Variants in CNIH3 observed in about 807,000 individuals in gnomAD.
CNIH3 encodes protein cornichon homolog 3.
In CNIH3, 14 loss-of-function variants were observed where a neutral mutation model predicts 24.1. The observed-to-expected ratio is 0.58, with a 90% CI of 0.38 to 0.91. The LOEUF is 0.91. Ranked by LOEUF, CNIH3 falls within the 40% of genes least tolerant of loss-of-function variation. The pLI is 0.00. For missense variants in CNIH3, 178 were observed against 196.8 expected (o/e 0.90, Z 0.57); for synonymous variants, 68 against 73.8 (o/e 0.92, Z 0.40).
intron 1 of CNIH3, among the ~76,000 whole-genome samples, chr1:224,646,458 T>C (rs570241085): frequency 1.8e-4 from 27 of 152,308 alleles, no homozygotes; most frequent in Middle Eastern, 6.8e-3. Flanking sequence ...CAGGCTGGAG[T>C]GCAGTGGCAC....
intron 3 of CNIH3, among the ~76,000 whole-genome samples, chr1:224,722,422 G>A (rs1688769830): frequency 6.6e-6 from 1 of 152,140 alleles, no homozygotes; most frequent in African/African-American, 2.4e-5. Context: ...ACTCTATTTT[G>A]GGAATCAGTC....
chr1:224,604,828 C>G lies in CNIH3; in HGVS notation n.402+38564C>G, dbSNP rs1344872702. On this transcript the variant is annotated intron_variant and non_coding_transcript_variant, in intron 3 of 7. Transcript: ENST00000478120. This position sits in a 1 kb window ranked among gnomAD's most constrained non-coding sequence, Gnocchi z 4.4. ...ATTTGGTGGTTCCTGAGCTCCTGTA[C>G]TGTGCCCAGGAAGAATGAGGATACA... Among the ~76,000 whole-genome samples the G allele has an allele frequency of 4.6e-5, 7 of 152,156 alleles. No homozygotes were observed. Among genetic ancestry groups the G allele is most frequent in the African/African-American group, 1.4e-4 (6 of 41,422 alleles).
chr1:224,702,311 T>C (rs563606264), intron 3 of CNIH3, among the ~76,000 whole-genome samples: 12 of 152,328 alleles, frequency 7.9e-5, no homozygotes, highest in African/African-American at 2.6e-4. Flanking sequence ...TTCTGTTTAT[T>C]TGGCCCCAAC....
At chr1:224,581,525 C>G (rs1356956083) in intron 4 of CNIH3, among the ~76,000 whole-genome samples, 1 of 152,096 alleles carries the variant, frequency 6.6e-6, no homozygotes, top group Non-Finnish European at 1.5e-5. Flanking sequence ...AGACACATGA[C>G]AAATTTCTCC....
chr1:224,616,863 TTGG>T lies in CNIH3; in HGVS notation c.-311_-309del. 8.3e-6 allele frequency: 10 copies of T among 1,200,714 alleles called. No individual in the cohort carries two copies. In the South Asian group the frequency reaches 1.2e-4, roughly 14 times the overall value. 74.4% of individuals were successfully genotyped at this position (1,200,714 alleles called of 1,614,324 possible). On this transcript the variant is annotated 5_prime_UTR_variant, in exon 1 of 6. Transcript: ENST00000272133. ...GTGTTGGTCTCGAGGGGCTCACAGC[TTGG>T]CACTAATTTGCAGGTGTTCGCTGCT...
chr1:224,453,599 G>GT (rs1465546506), intron 1 of CNIH3, among the ~76,000 whole-genome samples: 2 of 150,672 alleles, frequency 1.3e-5, no homozygotes, highest in Admixed American at 6.7e-5. Flanking sequence ...TCACTGTGAG[G>GT]TTGTTGCATG....
intron 1 of CNIH3, among the ~76,000 whole-genome samples, chr1:224,507,835 A>G (rs1677981183): frequency 6.6e-6 from 1 of 152,252 alleles, no homozygotes; most frequent in Admixed American, 6.5e-5. Context: ...ACTATGTGCA[A>G]TGCACTGTGG....
intron 4 of CNIH3, among the ~76,000 whole-genome samples, chr1:224,577,647 G>C (rs189607678): frequency 2.0e-4 from 30 of 152,256 alleles, no homozygotes; most frequent in Non-Finnish European, 3.8e-4. Context: ...ATGGAAAACA[G>C]TATAGAGATT....
rs950791257 is a variant in CNIH3, at chr1:224,604,114, T to G, written n.402+37850T>G. On this transcript the variant is annotated intron_variant and non_coding_transcript_variant, in intron 3 of 7. Transcript: ENST00000478120. The surrounding 1 kb of genome is among the most constrained non-coding windows in gnomAD (Gnocchi z 4.4). ...CAATGCTTTGTGATTAATAAGCACA[T>G]GGGAGGCCCATTTGTCAGTGGTCCT... Among the ~76,000 whole-genome samples the G allele has an allele frequency of 3.9e-5, 6 of 152,232 alleles. No homozygotes were observed. The highest frequency in any genetic ancestry group is 7.3e-5 in the Non-Finnish European group (5 of 68,036).
chr1:224,587,786 TA>T (rs1399426118), intron 5 of CNIH3, among the ~76,000 whole-genome samples: 1 of 151,332 alleles, frequency 6.6e-6, no homozygotes, highest in Admixed American at 6.6e-5. Context: ...ACAAAAGTTT[TA>T]AAAAAATAGC....
chr1:224,648,325 C>T (rs180828005), intron 1 of CNIH3, among the ~76,000 whole-genome samples: 67 of 151,268 alleles, frequency 4.4e-4, no homozygotes, highest in African/African-American at 1.0e-3. Context: ...GCAGGAGAAT[C>T]GCTCAAACCC....
chr1:224,447,909 A>G (rs1346623740), intron 1 of CNIH3, among the ~76,000 whole-genome samples: 4 of 152,218 alleles, frequency 2.6e-5, no homozygotes, highest in African/African-American at 9.6e-5. Flanking sequence ...TGTTTTTACA[A>G]GGGTAGAAAC....
chr1:224,548,770 C>A (rs944174284), intron 3 of CNIH3, among the ~76,000 whole-genome samples: 10 of 150,494 alleles, frequency 6.6e-5, no homozygotes, highest in Non-Finnish European at 1.2e-4. Flanking sequence ...GGGTGTACAC[C>A]CTGTGTGTAC....
chr1:224,496,847 A>G (rs912606039), intron 1 of CNIH3, among the ~76,000 whole-genome samples: 1 of 152,228 alleles, frequency 6.6e-6, no homozygotes, highest in African/African-American at 2.4e-5. Context: ...AGACTTACCT[A>G]TGTTTTCAGA....
chr1:224,504,754 G>C (rs979649860), intron 1 of CNIH3, among the ~76,000 whole-genome samples: 2 of 152,120 alleles, frequency 1.3e-5, no homozygotes, highest in Non-Finnish European at 2.9e-5. Flanking sequence ...GTGACCTTGG[G>C]GTAAGTAATT....
chr1:224,514,305 A>G (rs569243582), upstream of CNIH3, among the ~76,000 whole-genome samples: 7 of 152,294 alleles, frequency 4.6e-5, no homozygotes, highest in South Asian at 1.5e-3. Context: ...GTTAAGAATA[A>G]TCATAGAGTT....
chr1:224,509,213 C>T (rs1290631688), intron 1 of CNIH3, among the ~76,000 whole-genome samples: 1 of 152,178 alleles, frequency 6.6e-6, no homozygotes, highest in Non-Finnish European at 1.5e-5. Context: ...ATCCCAGCTA[C>T]TCGGGAGGCT....
downstream of CNIH3, among the ~76,000 whole-genome samples, chr1:224,589,098 G>A (rs1327492339): frequency 6.6e-6 from 1 of 151,344 alleles, no homozygotes; most frequent in Non-Finnish European, 1.5e-5. Flanking sequence ...CGTTATTGCT[G>A]TTAAGAAAAC....
At chr1:224,469,472 A>G (rs1468530895) in intron 1 of CNIH3, among the ~76,000 whole-genome samples, 4 of 152,150 alleles carry the variant, frequency 2.6e-5, no homozygotes, top group Non-Finnish European at 5.9e-5. Context: ...AATAAGTCCA[A>G]CTTGGTTATG....
Sources: gnomAD v4.1 joint callset for allele counts (sites outside exome capture counted in the v4.1 genomes callset) on GRCh38, gnomAD v4.1.1 for gene constraint, Gnocchi (gnomAD v3.1) non-coding constraint, MANE v1.5 for transcripts, NCBI Gene and HGNC (gene_info 2026-07-23, HGNC 2026-07-21) for gene names.